The following CNTNAP5 variants were observed in gnomAD, a reference collection of about 807,000 sequenced individuals.
CNTNAP5 encodes the protein contactin associated protein family member 5.
A neutral mutation model predicts 150.2 loss-of-function variants in CNTNAP5; 72 were observed. The observed-to-expected ratio is 0.48, with a 90% CI of 0.40 to 0.58. The LOEUF (loss-of-function observed/expected upper bound fraction) is 0.58. CNTNAP5 is among the 20% of genes least tolerant of loss of function. The probability of loss-of-function intolerance (pLI) is 0.00; values close to 1 mark genes in which losing one functional copy is unlikely to be tolerated. For synonymous variants in CNTNAP5, 672 were observed against 619.8 expected (o/e 1.08, Z -1.25); for missense variants, 1,636 against 1,626.2 (o/e 1.01, Z -0.10).
At chr2:124,449,494 TG>T (rs1231691822) in intron 6 of CNTNAP5, among the ~76,000 whole-genome samples, 2 of 152,182 alleles carry the variant, frequency 1.3e-5, no homozygotes, top group African/African-American at 4.8e-5. Flanking sequence ...CCAGATTTAA[TG>T]TTTATTTACA....
At chr2:124,333,262 C>A (rs1186735339) in intron 3 of CNTNAP5, among the ~76,000 whole-genome samples, 2 of 151,994 alleles carry the variant, frequency 1.3e-5, no homozygotes. Flanking sequence ...AAGCAAGACC[C>A]TGTCTTGAAA....
At chr2:124,346,277 T>C (rs1689735132) in intron 3 of CNTNAP5, among the ~76,000 whole-genome samples, 1 of 152,212 alleles carries the variant, frequency 6.6e-6, no homozygotes, top group East Asian at 1.9e-4. Flanking sequence ...GAAATAAGAC[T>C]AGTATTCGTT....
chr2:124,856,518 G>A (rs991352068), intron 19 of CNTNAP5, among the ~76,000 whole-genome samples: 2 of 150,770 alleles, frequency 1.3e-5, no homozygotes, highest in Non-Finnish European at 2.9e-5. Context: ...TTGATTTTTT[G>A]ATTTTGGCCA....
At chr2:124,411,125 T>C (rs1691748570) in intron 3 of CNTNAP5, among the ~76,000 whole-genome samples, 1 of 151,940 alleles carries the variant, frequency 6.6e-6, no homozygotes, top group Admixed American at 6.6e-5. Context: ...AACTAGAAAA[T>C]CTAGAAGAAA....
At chr2:124,720,562 T>A (rs535900857) in intron 13 of CNTNAP5, among the ~76,000 whole-genome samples, 11 of 152,322 alleles carry the variant, frequency 7.2e-5, no homozygotes, top group Non-Finnish European at 1.5e-4. Flanking sequence ...TTTTTAAATT[T>A]GATTTTAAAT....
At chr2:124,058,338 C>A (rs777920949) in intron 1 of CNTNAP5, among the ~76,000 whole-genome samples, 1 of 152,280 alleles carries the variant, frequency 6.6e-6, no homozygotes, top group Non-Finnish European at 1.5e-5. Context: ...GATTCTCATG[C>A]CTGTTGCAGG....
intron 10 of CNTNAP5, among the ~76,000 whole-genome samples, chr2:124,554,561 T>C (rs1338889706): frequency 6.6e-6 from 1 of 151,866 alleles, no homozygotes; most frequent in Non-Finnish European, 1.5e-5. Flanking sequence ...GCTAGGACTA[T>C]AGGCGTGCAC....
At chr2:124,756,459 C>A (rs1268718313) in intron 14 of CNTNAP5, among the ~76,000 whole-genome samples, 1 of 152,134 alleles carries the variant, frequency 6.6e-6, no homozygotes, top group Non-Finnish European at 1.5e-5. Flanking sequence ...AAGATACATG[C>A]ACATGTCTGT....
chr2:124,666,935 T>TG (rs59853124), intron 13 of CNTNAP5, among the ~76,000 whole-genome samples: 84,253 of 152,034 alleles, frequency 0.55, 23,913 homozygotes, highest in Non-Finnish European at 0.62. Context: ...GGATGGTGCA[T>TG]AACTACAGCA....
chr2:124,449,422 C>T (rs1692911441), intron 6 of CNTNAP5, among the ~76,000 whole-genome samples: 1 of 151,880 alleles, frequency 6.6e-6, no homozygotes, highest in Non-Finnish European at 1.5e-5. Flanking sequence ...GAAGTCTCGT[C>T]ATTCCCCCGA....
chr2:124,645,220 A>C (rs556350432), intron 12 of CNTNAP5, among the ~76,000 whole-genome samples: 1 of 152,276 alleles, frequency 6.6e-6, no homozygotes, highest in African/African-American at 2.4e-5. Context: ...TACCAACATG[A>C]ATTATGTCTT....
intron 6 of CNTNAP5, among the ~76,000 whole-genome samples, chr2:124,448,257 G>T (rs960279875): frequency 1.6e-5 from 2 of 125,464 alleles, no homozygotes; most frequent in Non-Finnish European, 3.4e-5. Context: ...GACAGAGTCA[G>T]ACTCCGTCTT....
chr2:124,206,796 C>A (rs1368563857), intron 1 of CNTNAP5, among the ~76,000 whole-genome samples: 2 of 152,076 alleles, frequency 1.3e-5, no homozygotes, highest in Non-Finnish European at 2.9e-5. Context: ...AAGCTGTTTC[C>A]TGGGTGAGTA....
intron 12 of CNTNAP5, among the ~76,000 whole-genome samples, chr2:124,615,785 A>G (rs928602625): frequency 6.6e-6 from 1 of 152,204 alleles, no homozygotes; most frequent in Non-Finnish European, 1.5e-5. Context: ...TGTATTTCTT[A>G]AGTAATAAGA....
At chr2:124,129,034 C>T (rs1474616393) in intron 1 of CNTNAP5, among the ~76,000 whole-genome samples, 12 of 151,126 alleles carry the variant, frequency 7.9e-5, no homozygotes, top group Non-Finnish European at 1.5e-4. Context: ...ACATTGTGCA[C>T]ATGTACCCTA....
intron 3 of CNTNAP5, among the ~76,000 whole-genome samples, chr2:124,358,289 C>A (rs1690081002): frequency 6.6e-6 from 1 of 151,930 alleles, no homozygotes; most frequent in Non-Finnish European, 1.5e-5. Context: ...ATTGAATACC[C>A]TTTATTTCCT....
At chr2:124,802,422 G>C (rs1221846868) in intron 19 of CNTNAP5, among the ~76,000 whole-genome samples, 2 of 152,086 alleles carry the variant, frequency 1.3e-5, no homozygotes, top group Non-Finnish European at 2.9e-5. Flanking sequence ...AAGGAAAACA[G>C]GTACTTCTTC....
chr2:124,913,523 T>C (rs181932319), intron 23 of CNTNAP5, among the ~76,000 whole-genome samples: 1 of 152,240 alleles, frequency 6.6e-6, no homozygotes, highest in African/African-American at 2.4e-5. Context: ...GAATGAGCCT[T>C]AGTTTAACAG....
chr2:124,167,312 T>G (rs919144597), intron 1 of CNTNAP5, among the ~76,000 whole-genome samples: 1 of 152,180 alleles, frequency 6.6e-6, no homozygotes, highest in African/African-American at 2.4e-5. Context: ...TATTTTCACA[T>G]GTGACTGTAG....
Sources: allele counts gnomAD v4.1 joint callset (sites outside exome capture counted in the v4.1 genomes callset), GRCh38; gene constraint gnomAD v4.1.1; transcripts MANE v1.5; gene names NCBI Gene and HGNC (gene_info 2026-07-23, HGNC 2026-07-21).